The following SPTBN5 variants were observed in gnomAD, a reference collection of about 807,000 sequenced individuals.
SPTBN5 encodes the protein spectrin beta, non-erythrocytic 5.
SPTBN5 carries 513 observed loss-of-function variants against 477.6 expected under a neutral mutation model. That is an observed-to-expected ratio of 1.07 (90% CI 1.00 to 1.16). The LOEUF (loss-of-function observed/expected upper bound fraction) is 1.16, where lower values mean the gene tolerates loss of function less well. SPTBN5 is among the 50% of genes most tolerant of loss of function. SPTBN5 has a pLI of 0.00. For synonymous variants in SPTBN5, 2,169 were observed against 2,011.7 expected (o/e 1.08, Z -2.09); for missense variants, 5,062 against 4,731.8 (o/e 1.07, Z -2.05).
chr15:41,866,836 G>T, intron 36 of SPTBN5, 123 bp downstream of exon 36: 1 of 1,277,366 alleles, frequency 7.8e-7, no homozygotes, highest in Non-Finnish European at 1.1e-6. Context: ...CTCCAGCACA[G>T]CCTCTGGGAA....
At chr15:41,854,267 G>C (rs2065866686) in intron 56 of SPTBN5, 62 bp from the exon 57 acceptor site, 10 of 1,536,370 alleles carry the variant, frequency 6.5e-6, no homozygotes, top group Non-Finnish European at 8.8e-6. Flanking sequence ...CTTTCTCCCT[G>C]GAGACATGGC....
At chr15:41,879,113 TCTC>T in intron 16 of SPTBN5, 144 bp downstream of exon 16, 1 of 951,624 alleles carries the variant, frequency 1.1e-6, no homozygotes, top group Non-Finnish European at 1.5e-6. Context: ...AGGACCATTT[TCTC>T]CTGATCATCC....
At position 41,873,539 on chromosome 15, in the gene SPTBN5, A is replaced by C; in HGVS notation, c.4960T>G (p.Tyr1654Asp). 3.9e-6 allele frequency: 6 copies of C among 1,552,084 alleles called. No individual in the cohort carries two copies. Among genetic ancestry groups the C allele is most frequent in the Non-Finnish European group, 5.2e-6 (6 of 1,147,196 alleles). ...AGGGTGGCTGCCTCGTCTCTGCCAT[A>C]GTCCCGACTGCTCACCAGCGGCCGC... ...EKRPLVSSRD[Y>D]GRDEAATLRL... The change falls in exon 26 of 68, where the codon TAT becomes GAT. Residue 1654 changes from tyrosine (Y) to aspartate (D), a missense_variant. Tyr to Asp is a radical substitution (Grantham distance 160). Coordinates refer to ENST00000320955, the MANE Select transcript of SPTBN5 (RefSeq NM_016642.4).
At chr15:41,878,927 A>G (rs971829617) in intron 16 of SPTBN5, among the ~76,000 whole-genome samples, 1 of 152,004 alleles carries the variant, frequency 6.6e-6, no homozygotes, top group Admixed American at 6.5e-5. Context: ...TTAGCCAGGC[A>G]TGGTGGTGGG....
intron 4 of SPTBN5, among the ~76,000 whole-genome samples, chr15:41,889,432 T>G (rs1476539796): frequency 1.3e-5 from 2 of 152,174 alleles, no homozygotes; most frequent in African/African-American, 4.8e-5. Flanking sequence ...TTTCTTTTTT[T>G]TTTGAGACAC....
rs1187495885 is a variant in SPTBN5 at position 41,868,144 on chromosome 15, C to G, written c.6132G>C (p.Arg2044Ser). The G allele has an allele frequency of 6.3e-7, 1 of 1,595,262 alleles. No individual in the cohort carries two copies. The highest frequency in any genetic ancestry group is 8.5e-7 in the Non-Finnish European group (1 of 1,171,924). The part of the protein sequence containing the change: ...VYQTWARKQE[R>S]LQAEQQEQLF... ...GCTGCTCCTGCTGCTCGGCCTGCAG[C>G]CTCTCTTGCTTCCGTGCCCAGGTCT... is the stretch of plus-strand genomic sequence containing the variant. The change falls in exon 34 of 68, where the codon AGG (arginine) becomes AGC (serine). Residue 2044 changes from arginine to serine, a missense_variant. Arg to Ser is a moderately radical substitution (Grantham distance 110). Coordinates refer to ENST00000320955, the MANE Select transcript of SPTBN5 (RefSeq NM_016642.4).
At position 41,857,496 on chromosome 15, in the gene SPTBN5, T is replaced by C; in HGVS notation, c.8365-2A>G. On this transcript the variant is annotated splice_acceptor_variant, in intron 50 of 67. Transcript: ENST00000320955. LOFTEE classifies it high-confidence loss of function. Reference sequence around the variant, plus strand: ...CATGCTCCGCCGCAGACGCAGGGCCTAGGGTAGAAAGTGAGGTAGGCAGGA... The same window carrying C: ...CATGCTCCGCCGCAGACGCAGGGCCCAGGGTAGAAAGTGAGGTAGGCAGGA... 2.5e-6 allele frequency: 4 copies of C among 1,605,624 alleles called. No individual in the cohort carries two copies. The highest frequency in any genetic ancestry group is 3.4e-6 in the Non-Finnish European group (4 of 1,174,174).
Position 41,851,717 on chromosome 15 carries a change from G to A in SPTBN5, c.10656+62C>T, listed in dbSNP as rs184159799. ...GGGTGCCAGGCCCAGATGGCTCTTC[G>A]AGCCACTCAAGTGCTGCTGCAAGTG... is the stretch of plus-strand genomic sequence containing the variant. On this transcript the variant is annotated intron_variant, in intron 63 of 67. Transcript: ENST00000320955. The A allele has an allele frequency of 9.5e-5, 125 of 1,312,722 alleles. No individual in the cohort carries two copies. In the East Asian group the frequency reaches 1.9e-3, roughly 20 times the overall value. The allele number at this position is 1,312,722 out of a possible 1,614,324, so 81.3% of individuals were successfully genotyped here.
At chr15:41,874,804 A>G in intron 23 of SPTBN5, 38 bp downstream of exon 23, 1 of 1,571,076 alleles carries the variant, frequency 6.4e-7, no homozygotes, top group Non-Finnish European at 8.7e-7. Flanking sequence ...ATTCACATGG[A>G]GGAGTGACAC....
In SPTBN5 at chr15:41,853,759, ACCT is replaced by A; in HGVS notation, c.9800_9802del (p.Glu3267del). 3 of 1,575,336 alleles carry A rather than the reference ACCT, an allele frequency of 1.9e-6. No homozygotes were observed. Among genetic ancestry groups the A allele is most frequent in the Non-Finnish European group, 2.6e-6 (3 of 1,160,656 alleles). ...GCAGGCCTCCGTCTGTAGCCGTGCC[ACCT>A]CCTTCTCCATAGCTTCCAGCTCTCT... On this transcript the variant is annotated inframe_deletion, in exon 58 of 68. Coordinates refer to ENST00000320955, the MANE Select transcript of SPTBN5 (RefSeq NM_016642.4).
intron 67 of SPTBN5, among the ~76,000 whole-genome samples, chr15:41,849,286 G>T (rs1197666): frequency 0.75 from 113,698 of 152,098 alleles, 43,359 homozygotes; most frequent in East Asian, 0.87. Flanking sequence ...TGAGGAGCCA[G>T]GTAAGAGCCT....
intron 23 of SPTBN5, 117 bp from the exon 24 acceptor site, chr15:41,874,595 C>A: frequency 1.0e-6 from 1 of 976,896 alleles, no homozygotes; most frequent in Non-Finnish European, 1.5e-6. Context: ...TAGAGCAAAG[C>A]CTCATCTGAC....
At position 41,885,746 on chromosome 15, in the gene SPTBN5, A is replaced by T; in HGVS notation, c.1509T>A (p.Asp503Glu). The T allele has an allele frequency of 6.4e-7, 1 of 1,556,134 alleles. No individual in the cohort carries two copies. The highest frequency in any genetic ancestry group is 8.7e-7 in the Non-Finnish European group (1 of 1,150,068). Reference sequence around the variant, plus strand: ...GTGCTGGGGCTCACCTGCGGGCCACATCTGCCCAGCTGTGGTACTGCTCCT... The same window carrying T: ...GTGCTGGGGCTCACCTGCGGGCCACTTCTGCCCAGCTGTGGTACTGCTCCT... ...LRQEQYHSWA[D>E]VARRQEEVTV... Residue 503 changes from aspartate to glutamate, a missense_variant, in exon 7 of 68, where the codon GAT becomes GAA. Transcript: ENST00000320955.
intron 53 of SPTBN5, 56 bp downstream of exon 53, chr15:41,856,330 G>A (rs530085141): frequency 4.2e-5 from 61 of 1,436,048 alleles, no homozygotes; most frequent in Middle Eastern, 2.6e-4. Context: ...CCTCCCAGCC[G>A]CACTCGCCCT....
Position 41,879,823 on chromosome 15 carries a change from A to C in SPTBN5, c.2853T>G (p.Ala951=). 1.2e-6 allele frequency: 2 copies of C among 1,613,968 alleles called. No individual in the cohort carries two copies. The highest frequency in any genetic ancestry group is 1.7e-6 in the Non-Finnish European group (2 of 1,179,866). The part of the protein sequence containing the change: ...TALAVGKGLW[A]EVSSSAEQLR... ...GTTGCTCAGCAGAGCTGCTGACCTC[A>C]GCCCAGAGGCCCTTTCCCACAGCCA... Residue 951 remains alanine (A), a synonymous_variant, in exon 15 of 68, where the codon GCT becomes GCG. Transcript: ENST00000320955.
In SPTBN5 at chr15:41,857,717, C is replaced by T. The variant is rs1312707982; in HGVS notation, c.8227-7G>A. The T allele has an allele frequency of 1.3e-6, 2 of 1,565,202 alleles. No individual in the cohort carries two copies. The highest frequency in any genetic ancestry group is 2.7e-5 in the African/African-American group (2 of 73,918). On this transcript the variant is annotated splice_polypyrimidine_tract_variant and splice_region_variant and intron_variant, in intron 49 of 67. Transcript: ENST00000320955. The stretch of plus-strand genomic sequence containing the variant: ...GCAGCAGCCTCTGTCCCTCCTGCAG[C>T]CACAACATGAAACACACCTTGTGGA...
chr15:41,851,837 G>T lies in SPTBN5; in HGVS notation c.10598C>A (p.Thr3533Asn). The change falls in exon 63 of 68, where the codon ACC (threonine) becomes AAC (asparagine). Residue 3533 changes from threonine to asparagine, a missense_variant. Thr to Asn is a moderately conservative substitution (Grantham distance 65). Coordinates refer to ENST00000320955, the MANE Select transcript of SPTBN5 (RefSeq NM_016642.4). Reference sequence around the variant, plus strand: ...CTCCAAAGACCCCTCCATGGTGGGGGTACCCTTTGCATCCTGAAAATGCAA... The same window carrying T: ...CTCCAAAGACCCCTCCATGGTGGGGTTACCCTTTGCATCCTGAAAATGCAA... The part of the protein sequence containing the change: ...ETRDPQDAKG[T>N]PTMEGSLEFK... The T allele has an allele frequency of 2.5e-6, 4 of 1,609,732 alleles. No individual in the cohort carries two copies. The highest frequency in any genetic ancestry group is 3.4e-6 in the Non-Finnish European group (4 of 1,178,918).
At position 41,867,093 on chromosome 15, in the gene SPTBN5, G is replaced by A. The variant is rs1475449710; in HGVS notation, c.6346C>T (p.Arg2116Trp). 1.4e-5 allele frequency: 21 copies of A among 1,542,804 alleles called. No homozygotes were observed. Among genetic ancestry groups the A allele is most frequent in the South Asian group, 8.3e-5 (7 of 83,892 alleles). Residue 2116 changes from arginine (R) to tryptophan (W), a missense_variant, in exon 36 of 68, where the codon CGG becomes TGG. Arg to Trp is a moderately radical substitution (Grantham distance 101). Transcript: ENST00000320955. ...AGCCGGTCCCGCACCCGGGGGCGCC[G>A]GAGCGTCTTCAGCCGCTCACGCAGG... Reference protein sequence around the residue: ...AALRERLKTLRRPRVRDRLPI... With the variant: ...AALRERLKTLWRPRVRDRLPI...
rs143688186 is a variant in SPTBN5, at chr15:41,866,613, G to A, written c.6481-120C>T. ...TCAGGGGTGGGGCGGGCAGCACCTG[G>A]TAAATGAGCCCTGAAGGTTCCAGCT... On this transcript the variant is annotated intron_variant, in intron 36 of 67. Coordinates refer to ENST00000320955, the MANE Select transcript of SPTBN5 (RefSeq NM_016642.4). 1,931 of 1,172,330 alleles carry A rather than the reference G, an allele frequency of 1.6e-3. 12 individuals are homozygous for A. The East Asian group carries it at 0.02, about 12-fold the overall frequency. The allele number at this position is 1,172,330 out of a possible 1,614,324, so 72.6% of individuals were successfully genotyped here.
Sources: allele counts gnomAD v4.1 joint callset (sites outside exome capture counted in the v4.1 genomes callset), GRCh38; gene constraint gnomAD v4.1.1; transcripts MANE v1.5; gene names NCBI Gene and HGNC (gene_info 2026-07-23, HGNC 2026-07-21).